PPM1L: variants seen among roughly 807,000 people sequenced by gnomAD.
PPM1L encodes the protein protein phosphatase 1L.
A neutral mutation model predicts 31.4 loss-of-function variants in PPM1L; 13 were observed. The observed-to-expected ratio is 0.41, with a 90% CI of 0.27 to 0.66. The LOEUF is 0.66. Ranked by LOEUF, PPM1L falls within the 30% of genes least tolerant of loss-of-function variation. The pLI is 0.29. For synonymous variants in PPM1L, 184 were observed against 175.4 expected (o/e 1.05, Z -0.39); for missense variants, 326 against 453.7 (o/e 0.72, Z 2.56).
intron 1 of PPM1L, among the ~76,000 whole-genome samples, chr3:160,767,949 G>A (rs542342184): frequency 6.6e-6 from 1 of 151,960 alleles, no homozygotes; most frequent in South Asian, 2.1e-4. Context: ...ATATTTTCTG[G>A]CCAAATAAGT....
intron 1 of PPM1L, among the ~76,000 whole-genome samples, chr3:160,791,922 GT>G (rs1712118820): frequency 6.6e-6 from 1 of 152,122 alleles, no homozygotes; most frequent in Non-Finnish European, 1.5e-5. Flanking sequence ...GGATGGAACT[GT>G]TTAGCCAACA....
chr3:161,068,553 A>G (rs984748250), intron 3 of PPM1L, among the ~76,000 whole-genome samples: 8 of 152,140 alleles, frequency 5.3e-5, no homozygotes, highest in African/African-American at 1.9e-4. Context: ...GCCCTCCCCC[A>G]TATGTATCCG....
At chr3:160,953,426 A>T (rs1431662653) in intron 1 of PPM1L, among the ~76,000 whole-genome samples, 2 of 152,230 alleles carry the variant, frequency 1.3e-5, no homozygotes, top group Non-Finnish European at 2.9e-5. Flanking sequence ...GTGATGAGGC[A>T]TATTTTCATA....
At chr3:161,001,753 A>C (rs1426613370) in intron 2 of PPM1L, among the ~76,000 whole-genome samples, 1 of 152,144 alleles carries the variant, frequency 6.6e-6, no homozygotes, top group Non-Finnish European at 1.5e-5. Flanking sequence ...GGATTGGAAA[A>C]GATCTGTGAT....
At chr3:160,765,802 T>C (rs1013476347) in intron 1 of PPM1L, among the ~76,000 whole-genome samples, 13 of 152,254 alleles carry the variant, frequency 8.5e-5, no homozygotes, top group Admixed American at 4.6e-4. Context: ...TAACTTTTCT[T>C]TATATTCAAG....
chr3:160,793,295 CT>C (rs1173792850), intron 1 of PPM1L, among the ~76,000 whole-genome samples: 1 of 152,090 alleles, frequency 6.6e-6, no homozygotes, highest in Non-Finnish European at 1.5e-5. Flanking sequence ...ATCTATTAAC[CT>C]TTTCAAATAC....
intron 1 of PPM1L, among the ~76,000 whole-genome samples, chr3:160,794,868 T>C (rs1025644343): frequency 3.3e-5 from 5 of 152,218 alleles, no homozygotes; most frequent in Non-Finnish European, 5.9e-5. Context: ...CTGGGCTGCA[T>C]GTGGCCCACG....
At position 160,945,061 on chromosome 3, in the gene PPM1L, A is replaced by C. The variant is rs115335501; in HGVS notation, c.400-16675A>C. Reference sequence around the variant, plus strand: ...TAACATATATATTATATATAACTATATATAACATGTTATATATAACTATAT... The same window carrying C: ...TAACATATATATTATATATAACTATCTATAACATGTTATATATAACTATAT... On this transcript the variant is annotated intron_variant, in intron 1 of 3. Coordinates refer to ENST00000498165, the MANE Select transcript of PPM1L (RefSeq NM_139245.4). 1.5e-3 allele frequency among the ~76,000 whole-genome samples: 172 copies of C among 112,418 alleles called. 6 individuals are homozygous for C. Among genetic ancestry groups the C allele is most frequent in the African/African-American group, 5.6e-3 (162 of 29,130 alleles). The allele number at this position is 112,418 out of a possible 152,430, so 73.8% of individuals were successfully genotyped here.
At chr3:160,797,353 G>T (rs1388201550) in intron 1 of PPM1L, among the ~76,000 whole-genome samples, 1 of 152,030 alleles carries the variant, frequency 6.6e-6, no homozygotes, top group Non-Finnish European at 1.5e-5. Flanking sequence ...CTACTCCATT[G>T]ACCCACCATT....
At chr3:161,006,607 C>T (rs182691387) in intron 2 of PPM1L, among the ~76,000 whole-genome samples, 24 of 151,560 alleles carry the variant, frequency 1.6e-4, no homozygotes, top group Middle Eastern at 3.4e-3. Flanking sequence ...CTCATAATCC[C>T]ATTTCTTTTC....
intron 1 of PPM1L, among the ~76,000 whole-genome samples, chr3:160,872,891 C>T (rs976307960): frequency 9.9e-5 from 15 of 152,100 alleles, no homozygotes; most frequent in Admixed American, 9.2e-4. Flanking sequence ...TGCGCCACTA[C>T]ACTCCAGCCT....
intron 1 of PPM1L, among the ~76,000 whole-genome samples, chr3:160,798,887 G>A (rs1194253456): frequency 6.6e-6 from 1 of 152,182 alleles, no homozygotes; most frequent in African/African-American, 2.4e-5. Context: ...AATGCCATTA[G>A]GAACATTTGT....
chr3:160,923,065 T>A (rs191045875), intron 1 of PPM1L, among the ~76,000 whole-genome samples: 36 of 152,330 alleles, frequency 2.4e-4, no homozygotes, highest in Admixed American at 1.2e-3. Context: ...AGATTATTAC[T>A]AGCAATGTAG....
chr3:160,975,182 T>C (rs1287295929), intron 2 of PPM1L, among the ~76,000 whole-genome samples: 4 of 152,214 alleles, frequency 2.6e-5, no homozygotes, highest in Admixed American at 6.5e-5. Context: ...TAGATAGTTG[T>C]AGATATGCGG....
chr3:160,992,151 G>T (rs772192359), intron 2 of PPM1L, among the ~76,000 whole-genome samples: 77 of 152,288 alleles, frequency 5.1e-4, no homozygotes, highest in Non-Finnish European at 8.4e-4. Context: ...ATTATACTAT[G>T]CATATTTAAG....
chr3:160,829,641 C>T (rs1713459668), intron 1 of PPM1L, among the ~76,000 whole-genome samples: 1 of 152,172 alleles, frequency 6.6e-6, no homozygotes, highest in Non-Finnish European at 1.5e-5. Flanking sequence ...CTTCTTGCCT[C>T]ACTAACTCCC....
rs1399023906 is a variant in PPM1L at position 160,791,708 on chromosome 3, A to G, written c.399+35001A>G. The stretch of plus-strand genomic sequence containing the variant: ...TCAGATAATGATTAGTAATGTGATA[A>G]AAATATAAACGGAGAAATAATGAGT... On this transcript the variant is annotated intron_variant, in intron 1 of 3. Transcript: ENST00000498165. Among the ~76,000 whole-genome samples, 5 of 152,260 alleles carry G rather than the reference A, an allele frequency of 3.3e-5. No homozygotes were observed. In the East Asian group the frequency reaches 9.6e-4, roughly 29 times the overall value.
chr3:160,775,907 C>T (rs1409603772), intron 1 of PPM1L, among the ~76,000 whole-genome samples: 1 of 152,136 alleles, frequency 6.6e-6, no homozygotes, highest in Admixed American at 6.5e-5. Flanking sequence ...GCCTGGGGGG[C>T]AGAAACAGTG....
At chr3:160,814,541 G>GTAA (rs1712911961) in intron 1 of PPM1L, among the ~76,000 whole-genome samples, 1 of 114,022 alleles carries the variant, frequency 8.8e-6, no homozygotes, top group Non-Finnish European at 2.0e-5. Context: ...GTATGTATGT[G>GTAA]TATATATACA....
Sources: gnomAD v4.1 joint callset for allele counts (sites outside exome capture counted in the v4.1 genomes callset) on GRCh38, gnomAD v4.1.1 for gene constraint, MANE v1.5 for transcripts, NCBI Gene and HGNC (gene_info 2026-07-23, HGNC 2026-07-21) for gene names.